SLC12A1: variants seen among roughly 807,000 people sequenced by gnomAD.
SLC12A1 encodes the protein Na-K-2Cl cotransporter.
In SLC12A1, 89 loss-of-function variants were observed where a neutral mutation model predicts 130.4. The observed-to-expected ratio is 0.68, with a 90% CI of 0.58 to 0.81. The LOEUF is 0.81. Ranked by LOEUF, SLC12A1 falls within the 40% of genes least tolerant of loss-of-function variation. The probability of loss-of-function intolerance (pLI) is 0.00; values close to 1 mark genes in which losing one functional copy is unlikely to be tolerated. For synonymous variants in SLC12A1, 499 were observed against 460.0 expected, an observed-to-expected ratio of 1.08 and a Z score of -1.09; for missense variants, 1,310 against 1,336.4, an observed-to-expected ratio of 0.98 and a Z score of 0.31.
rs547866729 is a variant in SLC12A1 at position 48,253,798 on chromosome 15, A to G, written c.1943-2013A>G. On this transcript the variant is annotated intron_variant, in intron 15 of 26. Coordinates refer to ENST00000380993, the MANE Select transcript of SLC12A1 (RefSeq NM_000338.3). The stretch of plus-strand genomic sequence containing the variant: ...TACAAGCCATGAATGAGAGTCCTAG[A>G]TGCTCCACGTGTTTGTCAGCATGTA... Among the ~76,000 whole-genome samples the G allele has an allele frequency of 2.6e-5, 4 of 152,258 alleles. No homozygotes were observed. In the East Asian group the frequency reaches 7.7e-4, roughly 29 times the overall value.
chr15:48,214,987 G>A (rs1264478251), intron 2 of SLC12A1, among the ~76,000 whole-genome samples: 14 of 150,566 alleles, frequency 9.3e-5, no homozygotes, highest in Non-Finnish European at 2.1e-4. Flanking sequence ...TGAGATTAAA[G>A]GATCAAAATT....
intron 8 of SLC12A1, among the ~76,000 whole-genome samples, chr15:48,234,238 T>C (rs1390108781): frequency 6.6e-6 from 1 of 152,144 alleles, no homozygotes; most frequent in South Asian, 2.1e-4. Context: ...GGTATGCCAG[T>C]GTGATCATGA....
At chr15:48,275,778 A>T (rs1199945779) in intron 20 of SLC12A1, among the ~76,000 whole-genome samples, 3 of 152,240 alleles carry the variant, frequency 2.0e-5, no homozygotes, top group African/African-American at 7.2e-5. Context: ...CTGCCACTAT[A>T]AGGAGGATCT....
chr15:48,234,251 G>A (rs2041413213), intron 8 of SLC12A1, among the ~76,000 whole-genome samples: 1 of 152,096 alleles, frequency 6.6e-6, no homozygotes, highest in Admixed American at 6.5e-5. Context: ...GATCATGAGA[G>A]AATTCATCTC....
intron 2 of SLC12A1, among the ~76,000 whole-genome samples, chr15:48,215,761 C>T (rs1248926734): frequency 6.6e-6 from 1 of 152,186 alleles, no homozygotes; most frequent in Admixed American, 6.5e-5. Flanking sequence ...CATGTCAGAA[C>T]TGTAAGATGG....
At chr15:48,278,247 A>G (rs568080235) in intron 20 of SLC12A1, among the ~76,000 whole-genome samples, 1 of 152,358 alleles carries the variant, frequency 6.6e-6, no homozygotes, top group South Asian at 2.1e-4. Flanking sequence ...CCGTCTCAAC[A>G]ACAACAAAAA....
chr15:48,240,727 T>C (rs565614569), intron 9 of SLC12A1, among the ~76,000 whole-genome samples: 2 of 152,254 alleles, frequency 1.3e-5, no homozygotes, highest in Admixed American at 6.5e-5. Context: ...CCCTGTCCTG[T>C]ATAAGTGAAG....
At chr15:48,229,433 G>A in intron 6 of SLC12A1, 105 bp downstream of exon 6, 1 of 1,114,976 alleles carries the variant, frequency 9.0e-7, no homozygotes, top group South Asian at 1.6e-5. Context: ...GAGGAAAAAA[G>A]TTAAATATAG....
chr15:48,219,260 G>A (rs910065655), intron 2 of SLC12A1, among the ~76,000 whole-genome samples: 1 of 152,154 alleles, frequency 6.6e-6, no homozygotes, highest in Non-Finnish European at 1.5e-5. Flanking sequence ...TAGAAAACTT[G>A]TCGGCCGGGT....
chr15:48,272,592 A>G (rs1447388738), intron 19 of SLC12A1, among the ~76,000 whole-genome samples: 1 of 151,986 alleles, frequency 6.6e-6, no homozygotes, highest in Non-Finnish European at 1.5e-5. Flanking sequence ...ATGCCCAGCT[A>G]ATTTTTATAT....
At chr15:48,223,559 T>C (rs2041243403) in intron 4 of SLC12A1, 1 of 152,162 alleles carries the variant, frequency 6.6e-6, no homozygotes, top group South Asian at 2.1e-4. Context: ...TTGAAAAAAC[T>C]AGAGTCAAAA....
intron 7 of SLC12A1, among the ~76,000 whole-genome samples, chr15:48,232,320 G>A (rs2041391125): frequency 6.6e-6 from 1 of 152,162 alleles, no homozygotes; most frequent in East Asian, 1.9e-4. Flanking sequence ...CTGCATTCTC[G>A]AACTGCTGCA....
chr15:48,298,277 G>C (rs905072058), intron 24 of SLC12A1, among the ~76,000 whole-genome samples: 1 of 151,974 alleles, frequency 6.6e-6, no homozygotes, highest in African/African-American at 2.4e-5. Flanking sequence ...TCTTAAAGTA[G>C]CATACTAGAG....
At chr15:48,253,777 A>T (rs2041673140) in intron 15 of SLC12A1, among the ~76,000 whole-genome samples, 1 of 152,192 alleles carries the variant, frequency 6.6e-6, no homozygotes, top group Admixed American at 6.5e-5. Context: ...CATTCCTACA[A>T]GCCATGAATG....
chr15:48,301,208 T>C (rs555065398), intron 25 of SLC12A1, 107 bp from the exon 26 acceptor site: 2 of 795,740 alleles, frequency 2.5e-6, no homozygotes, highest in East Asian at 2.7e-5. Flanking sequence ...GTAATTTTTA[T>C]ACATTTTTTA....
In SLC12A1 at chr15:48,254,275, T is replaced by G. The variant is rs577273347; in HGVS notation, c.1943-1536T>G. Among the ~76,000 whole-genome samples, 4 of 152,230 alleles carry G rather than the reference T, an allele frequency of 2.6e-5. No homozygotes were observed. In the South Asian group the frequency reaches 8.3e-4, roughly 32 times the overall value. On this transcript the variant is annotated intron_variant, in intron 15 of 26. Transcript: ENST00000380993. ...AGTATATTTAGGTCTATTATCCATT[T>G]TGAGTTAATTTTTGTATATGATGTG... is the stretch of plus-strand genomic sequence containing the variant.
chr15:48,207,244 T>C lies in SLC12A1; in HGVS notation c.-186-290T>C, dbSNP rs2040993189. ...ACTGTATTCAATAAGTAAAGTTACA[T>C]CTTTTCTAAAGTCACAGTGAACTCC... On this transcript the variant is annotated intron_variant, in intron 1 of 26. Transcript: ENST00000380993. Among the ~76,000 whole-genome samples the C allele has an allele frequency of 2.0e-5, 3 of 152,202 alleles. No individual in the cohort carries two copies. In the South Asian group the frequency reaches 6.2e-4, roughly 31 times the overall value.
At position 48,224,293 on chromosome 15, in the gene SLC12A1, T is replaced by A. The variant is rs556040971; in HGVS notation, c.629-2183T>A. ...TATTGTAGGAGAGGAAAAACAGTTA[T>A]CTTCTACCCATCTTAGGTTCATTGG... On this transcript the variant is annotated intron_variant, in intron 4 of 26. Coordinates refer to ENST00000380993, the MANE Select transcript of SLC12A1 (RefSeq NM_000338.3). 4.6e-5 allele frequency: 7 copies of A among 152,300 alleles called. No individual in the cohort carries two copies. In the East Asian group the frequency reaches 1.4e-3, roughly 29 times the overall value. The allele number at this position is 152,300 out of a possible 1,614,324, so 9.4% of individuals were successfully genotyped here.
intron 15 of SLC12A1, among the ~76,000 whole-genome samples, chr15:48,254,632 C>CCAAAAAAG (rs1744143035): frequency 2.2e-5 from 2 of 92,174 alleles, no homozygotes; most frequent in Non-Finnish European, 5.1e-5. Flanking sequence ...AAAAAAAAAC[C>CCAAAAAAG]CAAAAAAGAC....
Sources: allele counts gnomAD v4.1 joint callset (sites outside exome capture counted in the v4.1 genomes callset), GRCh38; gene constraint gnomAD v4.1.1; transcripts MANE v1.5; gene names NCBI Gene and HGNC (gene_info 2026-07-23, HGNC 2026-07-21).